EPB41L4A: variants seen among roughly 807,000 people sequenced by gnomAD.
The protein encoded by EPB41L4A is erythrocyte membrane protein band 4.1 like 4A.
A neutral mutation model predicts 108.6 loss-of-function variants in EPB41L4A; 100 were observed. The ratio of observed to expected loss-of-function variants is 0.92; its 90% CI spans 0.78 to 1.09. The LOEUF (loss-of-function observed/expected upper bound fraction) is 1.09, where lower values mean the gene tolerates loss of function less well. Among genes scored for constraint, EPB41L4A ranks in the 50% least tolerant of loss-of-function variants. The pLI is 0.00. For missense variants in EPB41L4A, 1,030 were observed against 842.7 expected (o/e 1.22, Z -2.75); for synonymous variants, 319 against 289.0 (o/e 1.10, Z -1.05).
At chr5:112,201,305 C>G (rs1359172270) in intron 15 of EPB41L4A, among the ~76,000 whole-genome samples, 1 of 152,184 alleles carries the variant, frequency 6.6e-6, no homozygotes, top group Non-Finnish European at 1.5e-5. Flanking sequence ...AAATAGCCTT[C>G]CCCTGGAATA....
At chr5:112,301,855 G>A (rs1754381904) in intron 2 of EPB41L4A, among the ~76,000 whole-genome samples, 1 of 151,796 alleles carries the variant, frequency 6.6e-6, no homozygotes, top group African/African-American at 2.4e-5. Context: ...TAACATCTTA[G>A]GAAATAAACT....
intron 1 of EPB41L4A, among the ~76,000 whole-genome samples, chr5:112,393,242 G>C (rs951239954): frequency 8.5e-5 from 13 of 152,112 alleles, no homozygotes; most frequent in Non-Finnish European, 1.3e-4. Context: ...ACTAAGATCA[G>C]AGCAGAACTG....
chr5:112,184,175 G>A, intron 17 of EPB41L4A, 40 bp from the exon 18 acceptor site: 3 of 1,605,334 alleles, frequency 1.9e-6, no homozygotes, highest in Non-Finnish European at 2.6e-6. Context: ...ACATCTACAT[G>A]GATGGCGCGT....
rs542891035 is a variant in EPB41L4A at position 112,396,889 on chromosome 5, C to T, written c.99+22052G>A. ...AATGTATGGGTATACTTTTAAGCTG[C>T]AATGACCAACATGGTGCAAGTAATA... On this transcript the variant is annotated intron_variant, in intron 1 of 22. Coordinates refer to ENST00000261486, the MANE Select transcript of EPB41L4A (RefSeq NM_022140.5). Among the ~76,000 whole-genome samples, 11 of 152,328 alleles carry T rather than the reference C, an allele frequency of 7.2e-5. No individual in the cohort carries two copies. The South Asian group carries it at 2.3e-3, about 32-fold the overall frequency.
intron 1 of EPB41L4A, among the ~76,000 whole-genome samples, chr5:112,366,995 C>T (rs919906077): frequency 6.6e-6 from 1 of 152,162 alleles, no homozygotes; most frequent in African/African-American, 2.4e-5. Flanking sequence ...GGGTCCTTCA[C>T]AATGTGGCTC....
rs372695407 is a variant in EPB41L4A, at chr5:112,195,614, G to T, written c.1424+47C>A. On this transcript the variant is annotated intron_variant, in intron 16 of 22. Transcript: ENST00000261486. ...CTTAACTCTGAGCATTTCTAAATCT[G>T]CTAACCCTTCTTCCCTCTGACTGTC... 3.3e-6 allele frequency: 5 copies of T among 1,493,334 alleles called. No homozygotes were observed. The African/African-American group carries it at 5.5e-5, about 16-fold the overall frequency. The allele number at this position is 1,493,334 out of a possible 1,614,324, so 92.5% of individuals were successfully genotyped here.
At chr5:112,381,808 T>C (rs1005724675) in intron 1 of EPB41L4A, among the ~76,000 whole-genome samples, 2 of 152,184 alleles carry the variant, frequency 1.3e-5, no homozygotes, top group Non-Finnish European at 2.9e-5. Flanking sequence ...AGAATCAAAG[T>C]CCCACAGCCT....
At chr5:112,391,535 AG>A (rs200323149) in intron 1 of EPB41L4A, among the ~76,000 whole-genome samples, 5,046 of 152,256 alleles carry the variant, frequency 0.033, 287 homozygotes, top group African/African-American at 0.12. Context: ...TAGAGAAAAA[AG>A]AGTAAAAAGA....
intron 1 of EPB41L4A, among the ~76,000 whole-genome samples, chr5:112,408,702 A>AAAAAAAAAAAAAAAAAAAAAAAT (rs1762236187): frequency 1.6e-5 from 1 of 63,502 alleles, no homozygotes; most frequent in East Asian, 4.8e-4. Context: ...AAAAAAAAAA[A>AAAAAAAAAAAAAAAAAAAAAAAT]AAAAAAAAAA....
rs756131067 is a variant in EPB41L4A at position 112,170,936 on chromosome 5, A to G, written c.1670+9T>C. ...TTTTAAAACAATAAGAAAGAAAACTATTACTCACTGAATGTGCTTCCATAA... is the reference window on the plus strand; with the variant it reads ...TTTTAAAACAATAAGAAAGAAAACTGTTACTCACTGAATGTGCTTCCATAA... On this transcript the variant is annotated intron_variant, in intron 19 of 22. Transcript: ENST00000261486. 2.5e-6 allele frequency: 4 copies of G among 1,611,742 alleles called. No individual in the cohort carries two copies. The African/African-American group carries it at 4.0e-5, about 16-fold the overall frequency.
chr5:112,238,538 A>T (rs1749529846), intron 11 of EPB41L4A, among the ~76,000 whole-genome samples: 1 of 152,238 alleles, frequency 6.6e-6, no homozygotes, highest in Non-Finnish European at 1.5e-5. Context: ...TATAAAAGAG[A>T]AGAATTAAAA....
intron 1 of EPB41L4A, among the ~76,000 whole-genome samples, chr5:112,370,285 C>A (rs1223210354): frequency 1.3e-5 from 2 of 151,772 alleles, no homozygotes; most frequent in East Asian, 3.9e-4. Context: ...AATCCTCCTA[C>A]CTTAGCCTCC....
At chr5:112,372,211 C>T (rs1759538002) in intron 1 of EPB41L4A, among the ~76,000 whole-genome samples, 1 of 152,164 alleles carries the variant, frequency 6.6e-6, no homozygotes, top group African/African-American at 2.4e-5. Context: ...AACTTACAAT[C>T]ATGGCAGAAG....
At chr5:112,379,453 A>C (rs1760029200) in intron 1 of EPB41L4A, among the ~76,000 whole-genome samples, 1 of 152,200 alleles carries the variant, frequency 6.6e-6, no homozygotes, top group Non-Finnish European at 1.5e-5. Flanking sequence ...AACAAGAGGT[A>C]AGGAACACAA....
intron 13 of EPB41L4A, 86 bp downstream of exon 13, chr5:112,209,806 T>C: frequency 1.3e-6 from 1 of 754,996 alleles, no homozygotes; most frequent in Non-Finnish European, 2.2e-6. Context: ...ATCATCAAAG[T>C]TAAAAGATTT....
At chr5:112,226,278 C>T (rs138236911) in intron 12 of EPB41L4A, among the ~76,000 whole-genome samples, 50 of 152,248 alleles carry the variant, frequency 3.3e-4, no homozygotes, top group African/African-American at 1.2e-3. Flanking sequence ...ATAGAAGTGA[C>T]GTATTTGATC....
chr5:112,262,393 G>T, intron 7 of EPB41L4A, 101 bp downstream of exon 7: 1 of 915,750 alleles, frequency 1.1e-6, no homozygotes, highest in Non-Finnish European at 1.8e-6. Context: ...TCATCTGCTT[G>T]CTAAACAACA....
chr5:112,342,923 A>C (rs995919589), intron 1 of EPB41L4A, among the ~76,000 whole-genome samples: 16 of 152,222 alleles, frequency 1.1e-4, no homozygotes, highest in Admixed American at 1.0e-3. Context: ...AACTATGCAA[A>C]GTACTTTGGA....
At chr5:112,247,626 G>T (rs1172019596) in intron 9 of EPB41L4A, among the ~76,000 whole-genome samples, 1 of 152,134 alleles carries the variant, frequency 6.6e-6, no homozygotes, top group South Asian at 2.1e-4. Flanking sequence ...TTAATTACAT[G>T]CTTCCAAAGA....
Sources: gnomAD v4.1 joint callset for allele counts (sites outside exome capture counted in the v4.1 genomes callset) on GRCh38, gnomAD v4.1.1 for gene constraint, MANE v1.5 for transcripts, NCBI Gene and HGNC (gene_info 2026-07-23, HGNC 2026-07-21) for gene names.